Variants in MTHFD2L observed in about 807,000 individuals in gnomAD.
MTHFD2L encodes bifunctional methylenetetrahydrofolate dehydrogenase/cyclohydrolase 2, mitochondrial.
In MTHFD2L, 29 loss-of-function variants were observed where a neutral mutation model predicts 34.9. That is an observed-to-expected ratio of 0.83 (90% CI 0.62 to 1.13). MTHFD2L has a LOEUF of 1.13. MTHFD2L is among the 50% of genes most tolerant of loss of function. The pLI, the probability that MTHFD2L is intolerant of heterozygous loss-of-function variation, is 0.00. For missense variants in MTHFD2L, 481 were observed against 446.5 expected (o/e 1.08, Z -0.70); for synonymous variants, 167 against 155.7 (o/e 1.07, Z -0.54).
chr4:74,117,703 G>C (rs1480118632), intron 2 of MTHFD2L, among the ~76,000 whole-genome samples: 1 of 152,240 alleles, frequency 6.6e-6, no homozygotes, highest in East Asian at 1.9e-4. Flanking sequence ...CCTCATGAGA[G>C]CTGCTTCCGC....
At chr4:74,277,356 G>A (rs6821664) in intron 6 of MTHFD2L, among the ~76,000 whole-genome samples, 37,525 of 151,616 alleles carry the variant, frequency 0.25, 5,041 homozygotes, top group African/African-American at 0.37. Flanking sequence ...GGAACATCCC[G>A]TTCTAAGAGG....
intron 1 of MTHFD2L, among the ~76,000 whole-genome samples, chr4:74,125,979 T>C (rs544598570): frequency 6.6e-6 from 1 of 152,282 alleles, no homozygotes; most frequent in East Asian, 1.9e-4. Context: ...TATCATCTGA[T>C]CTGCACCACT....
At chr4:74,225,466 TTTGAAAGC>T in intron 6 of MTHFD2L, 72 bp downstream of exon 6, 2 of 1,233,040 alleles carry the variant, frequency 1.6e-6, no homozygotes, top group Non-Finnish European at 2.4e-6. Flanking sequence ...TGCTGACATG[TTTGAAAGC>T]TTTTTGAGAG....
chr4:74,149,741 C>A (rs72854826), intron 1 of MTHFD2L, among the ~76,000 whole-genome samples: 3,678 of 152,208 alleles, frequency 0.024, 167 homozygotes, highest in African/African-American at 0.084. Flanking sequence ...CAGGAATATT[C>A]TTCTTGTTGT....
At chr4:74,122,355 G>GGA (rs994144479), upstream of MTHFD2L, among the ~76,000 whole-genome samples, 12 of 152,000 alleles carry the variant, frequency 7.9e-5, no homozygotes, top group Admixed American at 4.6e-4. Context: ...CATGGTGACA[G>GGA]GAGAGAGAGA....
At chr4:74,116,962 A>G (rs1578211177) in intron 2 of MTHFD2L, among the ~76,000 whole-genome samples, 2 of 152,236 alleles carry the variant, frequency 1.3e-5, no homozygotes, top group African/African-American at 4.8e-5. Context: ...TAAACCACAT[A>G]TCGTTTTCTC....
chr4:74,142,426 T>C (rs1161250895), intron 1 of MTHFD2L, among the ~76,000 whole-genome samples: 3 of 152,146 alleles, frequency 2.0e-5, no homozygotes, highest in African/African-American at 7.2e-5. Context: ...TTGCCCTCTT[T>C]CCACTATGTG....
At chr4:74,251,356 T>C (rs1233755786) in intron 6 of MTHFD2L, among the ~76,000 whole-genome samples, 1 of 152,234 alleles carries the variant, frequency 6.6e-6, no homozygotes, top group Admixed American at 6.5e-5. Flanking sequence ...AGCCTTTCTC[T>C]TCTCCTAAGT....
upstream of MTHFD2L, among the ~76,000 whole-genome samples, chr4:74,124,149 AT>A (rs1341831496): frequency 1.3e-5 from 2 of 151,944 alleles, no homozygotes; most frequent in Non-Finnish European, 2.9e-5. Flanking sequence ...GACAGTAATC[AT>A]TTTCTGCCTG....
At chr4:74,278,559 C>G (rs1396579712) in intron 6 of MTHFD2L, among the ~76,000 whole-genome samples, 1 of 152,110 alleles carries the variant, frequency 6.6e-6, no homozygotes, top group Non-Finnish European at 1.5e-5. Context: ...TCACTCATTT[C>G]TGATGAACTT....
intron 2 of MTHFD2L, among the ~76,000 whole-genome samples, chr4:74,115,172 T>A (rs574289853): frequency 6.6e-6 from 1 of 152,256 alleles, no homozygotes; most frequent in Non-Finnish European, 1.5e-5. Context: ...CAAATATCTA[T>A]CTGGTATAAA....
At chr4:74,263,095 A>C (rs1456368747) in intron 6 of MTHFD2L, among the ~76,000 whole-genome samples, 1 of 151,734 alleles carries the variant, frequency 6.6e-6, no homozygotes, top group African/African-American at 2.4e-5. Context: ...TCCTATATAT[A>C]TATGTGTATA....
chr4:74,173,778 T>A (rs1030356030), intron 1 of MTHFD2L, among the ~76,000 whole-genome samples: 3 of 152,180 alleles, frequency 2.0e-5, no homozygotes, highest in South Asian at 2.1e-4. Flanking sequence ...AATATTATAG[T>A]CCAGATCTTG....
chr4:74,300,411 T>C (rs1202909735), intron 7 of MTHFD2L, among the ~76,000 whole-genome samples: 1 of 152,000 alleles, frequency 6.6e-6, no homozygotes, highest in Non-Finnish European at 1.5e-5. Context: ...AAGGGCGACA[T>C]AAGTTGTGCA....
intron 1 of MTHFD2L, among the ~76,000 whole-genome samples, chr4:74,141,989 G>A (rs1055384763): frequency 1.3e-5 from 2 of 152,142 alleles, no homozygotes; most frequent in African/African-American, 4.8e-5. Context: ...AAATGGGAGA[G>A]TCTCAGCTTG....
intron 1 of MTHFD2L, among the ~76,000 whole-genome samples, chr4:74,148,655 C>T (rs1315573366): frequency 6.8e-6 from 1 of 146,752 alleles, no homozygotes; most frequent in East Asian, 1.9e-4. Flanking sequence ...CCTTAATATT[C>T]CATATGAATT....
chr4:74,297,500 A>G (rs1040694122), intron 7 of MTHFD2L, among the ~76,000 whole-genome samples: 1 of 152,008 alleles, frequency 6.6e-6, no homozygotes, highest in Non-Finnish European at 1.5e-5. Context: ...ACCTACACCC[A>G]CAGTAAATTA....
chr4:74,247,612 G>T lies in MTHFD2L; in HGVS notation c.805+22218G>T, dbSNP rs1578606390. 3.5e-4 allele frequency among the ~76,000 whole-genome samples: 54 copies of T among 152,220 alleles called. No homozygotes were observed. The South Asian group carries it at 0.011, about 31-fold the overall frequency. On this transcript the variant is annotated intron_variant, in intron 6 of 7. Coordinates refer to ENST00000325278, the MANE Select transcript of MTHFD2L (RefSeq NM_001144978.3). Reference sequence around the variant, plus strand: ...GCCCATTCAGTATGATATTGGCTGTGGGTTTGTCATAGATAGCGCTTATTA... The same window carrying T: ...GCCCATTCAGTATGATATTGGCTGTTGGTTTGTCATAGATAGCGCTTATTA...
chr4:74,248,423 A>T (rs1317782414), intron 6 of MTHFD2L, among the ~76,000 whole-genome samples: 2 of 152,126 alleles, frequency 1.3e-5, no homozygotes, highest in Non-Finnish European at 2.9e-5. Flanking sequence ...GATCCTTTCA[A>T]AAAACCAGCT....
Sources: allele counts gnomAD v4.1 joint callset (sites outside exome capture counted in the v4.1 genomes callset), GRCh38; gene constraint gnomAD v4.1.1; transcripts MANE v1.5; gene names NCBI Gene and HGNC (gene_info 2026-07-23, HGNC 2026-07-21).